The following CDH12 variants were observed in gnomAD, a reference collection of about 807,000 sequenced individuals.
CDH12 encodes the protein cadherin 12, also known as cadherin-12.
A neutral mutation model predicts 74.1 loss-of-function variants in CDH12; 41 were observed. The ratio of observed to expected loss-of-function variants is 0.55; its 90% CI spans 0.43 to 0.72. The LOEUF is 0.72. Ranked by LOEUF, CDH12 falls within the 30% of genes least tolerant of loss-of-function variation. CDH12 has a pLI of 0.00. For missense variants in CDH12, 945 were observed against 977.2 expected (o/e 0.97, Z 0.44); for synonymous variants, 399 against 355.0 (o/e 1.12, Z -1.39).
chr5:22,594,822 G>A (rs181810576), intron 1 of CDH12, among the ~76,000 whole-genome samples: 103 of 152,198 alleles, frequency 6.8e-4, no homozygotes, highest in African/African-American at 2.4e-3. Flanking sequence ...AAAATACAAG[G>A]ACTGGCTGTT....
chr5:22,263,411 A>G (rs1182854720), intron 3 of CDH12, among the ~76,000 whole-genome samples: 1 of 152,174 alleles, frequency 6.6e-6, no homozygotes. Flanking sequence ...TGTTAATATC[A>G]TTCTGGAGAA....
chr5:22,849,578 A>G (rs1737456195), intron 1 of CDH12, among the ~76,000 whole-genome samples: 1 of 152,134 alleles, frequency 6.6e-6, no homozygotes, highest in Admixed American at 6.5e-5. Context: ...ACACATAGTA[A>G]AAACTTAATA....
chr5:21,920,354 A>G (rs889611708), intron 6 of CDH12, among the ~76,000 whole-genome samples: 4 of 152,186 alleles, frequency 2.6e-5, no homozygotes, highest in African/African-American at 4.8e-5. Flanking sequence ...TCTTGGCTCT[A>G]TCAGAAGCCT....
chr5:22,849,511 T>C (rs1737453678), intron 1 of CDH12, among the ~76,000 whole-genome samples: 1 of 152,178 alleles, frequency 6.6e-6, no homozygotes, highest in African/African-American at 2.4e-5. Context: ...ACCTGTGTCC[T>C]AATGTTTGAC....
intron 11 of CDH12, among the ~76,000 whole-genome samples, chr5:21,781,532 C>T (rs1270333068): frequency 2.0e-5 from 3 of 151,872 alleles, no homozygotes; most frequent in Admixed American, 6.6e-5. Context: ...GAGATCAGCA[C>T]GGCCAAGATG....
chr5:22,324,849 C>T (rs1268747135), intron 3 of CDH12, among the ~76,000 whole-genome samples: 1 of 152,004 alleles, frequency 6.6e-6, no homozygotes, highest in African/African-American at 2.4e-5. Context: ...AATTTGTAAT[C>T]AAATATAATA....
At chr5:21,947,746 A>C (rs1352735667) in intron 6 of CDH12, among the ~76,000 whole-genome samples, 1 of 152,180 alleles carries the variant, frequency 6.6e-6, no homozygotes, top group Non-Finnish European at 1.5e-5. Context: ...ACAATGGCAA[A>C]ATTTTTCTTG....
At chr5:22,505,422 T>C (rs892584097) in intron 1 of CDH12, 58 bp from the exon 2 acceptor site, 8 of 577,664 alleles carry the variant, frequency 1.4e-5, no homozygotes, top group African/African-American at 4.1e-5. Context: ...TAAACATTTA[T>C]TTTAGAATAT....
At chr5:22,691,354 T>C (rs1038059998) in intron 1 of CDH12, among the ~76,000 whole-genome samples, 1 of 152,198 alleles carries the variant, frequency 6.6e-6, no homozygotes, top group Non-Finnish European at 1.5e-5. Context: ...CACTATCCTT[T>C]ACTCCAAGAT....
At chr5:22,274,845 T>C (rs1736555440) in intron 3 of CDH12, among the ~76,000 whole-genome samples, 1 of 152,166 alleles carries the variant, frequency 6.6e-6, no homozygotes, top group Non-Finnish European at 1.5e-5. Context: ...GCATCTTATT[T>C]TCATTTATTG....
chr5:22,852,281 G>A (rs574002324), intron 1 of CDH12, among the ~76,000 whole-genome samples: 30 of 151,924 alleles, frequency 2.0e-4, no homozygotes, highest in East Asian at 3.9e-4. Context: ...CTGTGGTCCC[G>A]ATGTAGCAAA....
intron 3 of CDH12, among the ~76,000 whole-genome samples, chr5:22,224,829 T>C (rs1320434728): frequency 6.6e-6 from 1 of 151,854 alleles, no homozygotes; most frequent in Non-Finnish European, 1.5e-5. Flanking sequence ...CACATAAAAA[T>C]TATTATAACA....
intron 1 of CDH12, among the ~76,000 whole-genome samples, chr5:22,681,125 A>G (rs1328056109): frequency 6.6e-6 from 1 of 152,002 alleles, no homozygotes; most frequent in African/African-American, 2.4e-5. Context: ...TCAAATAGAA[A>G]ATAACCAAAA....
At chr5:21,799,689 T>A (rs1443251657) in intron 10 of CDH12, among the ~76,000 whole-genome samples, 1 of 152,164 alleles carries the variant, frequency 6.6e-6, no homozygotes, top group Non-Finnish European at 1.5e-5. Context: ...GCATTCATAA[T>A]TCTCCAAATC....
intron 6 of CDH12, among the ~76,000 whole-genome samples, chr5:21,866,611 T>C (rs1751341334): frequency 6.6e-6 from 1 of 152,162 alleles, no homozygotes; most frequent in Non-Finnish European, 1.5e-5. Context: ...CAGTAAAGTA[T>C]TCAAGAGGTG....
intron 6 of CDH12, among the ~76,000 whole-genome samples, chr5:21,870,463 C>A (rs1237405844): frequency 6.6e-6 from 1 of 152,118 alleles, no homozygotes; most frequent in Non-Finnish European, 1.5e-5. Context: ...TTTCACCTTC[C>A]ACCATAGGAT....
At chr5:22,382,822 T>C (rs755018972) in intron 3 of CDH12, among the ~76,000 whole-genome samples, 42 of 53,810 alleles carry the variant, frequency 7.8e-4, no homozygotes, top group Non-Finnish European at 2.0e-3. Context: ...ATGTTATCAT[T>C]ATTATTATTA....
chr5:22,333,536 C>T (rs144880553), intron 3 of CDH12, among the ~76,000 whole-genome samples: 78 of 152,172 alleles, frequency 5.1e-4, no homozygotes, highest in African/African-American at 1.6e-3. Flanking sequence ...GGCTTCACTG[C>T]TAAATTCTAC....
At chr5:22,419,178 G>A (rs141541110) in intron 2 of CDH12, among the ~76,000 whole-genome samples, 268 of 152,184 alleles carry the variant, frequency 1.8e-3, no homozygotes, top group Admixed American at 3.1e-3. Context: ...GGGATACATG[G>A]GCAGGACGTG....
Sources: gnomAD v4.1 joint callset for allele counts (sites outside exome capture counted in the v4.1 genomes callset) on GRCh38, gnomAD v4.1.1 for gene constraint, MANE v1.5 for transcripts, NCBI Gene and HGNC (gene_info 2026-07-23, HGNC 2026-07-21) for gene names.